Variants in CPSF3 observed in about 807,000 individuals in gnomAD.
CPSF3 encodes the protein cleavage and polyadenylation specific factor 3, also known as cleavage and polyadenylation specificity factor subunit 3.
CPSF3 carries 57 observed loss-of-function variants against 84.1 expected under a neutral mutation model. The observed-to-expected ratio is 0.68, with a 90% CI of 0.55 to 0.85. CPSF3 has a LOEUF of 0.85. CPSF3 is among the 40% of genes least tolerant of loss of function. The pLI, the probability that CPSF3 is intolerant of heterozygous loss-of-function variation, is 0.00. For synonymous variants in CPSF3, 275 were observed against 278.1 expected (o/e 0.99, Z 0.11); for missense variants, 522 against 838.8 (o/e 0.62, Z 4.66).
intron 10 of CPSF3, among the ~76,000 whole-genome samples, chr2:9,446,270 C>A (rs1013026361): frequency 6.6e-6 from 1 of 152,176 alleles, no homozygotes; most frequent in Admixed American, 6.5e-5. Flanking sequence ...CATAGTGAAA[C>A]CCCATCTCTA....
intron 4 of CPSF3, among the ~76,000 whole-genome samples, chr2:9,431,302 C>T (rs1680576591): frequency 6.6e-6 from 1 of 152,226 alleles, no homozygotes. Flanking sequence ...GATCCTCCTG[C>T]CTTGGCCTCC....
At chr2:9,455,067 G>A (rs919447045) in intron 12 of CPSF3, among the ~76,000 whole-genome samples, 1 of 152,020 alleles carries the variant, frequency 6.6e-6, no homozygotes, top group African/African-American at 2.4e-5. Context: ...AAGGAAAGAA[G>A]GCAGATGACA....
chr2:9,438,918 A>G (rs1044727633), intron 7 of CPSF3, among the ~76,000 whole-genome samples: 4 of 152,214 alleles, frequency 2.6e-5, no homozygotes. Flanking sequence ...GATGAAATCT[A>G]TCATATGGCT....
intron 16 of CPSF3, among the ~76,000 whole-genome samples, chr2:9,468,504 T>C (rs1682048396): frequency 2.0e-5 from 3 of 152,106 alleles, no homozygotes; most frequent in South Asian, 4.1e-4. Context: ...GAATTACAGA[T>C]GTGAGCCCTT....
chr2:9,468,128 T>C (rs1682037975), intron 16 of CPSF3, among the ~76,000 whole-genome samples: 1 of 152,386 alleles, frequency 6.6e-6, no homozygotes, highest in South Asian at 2.1e-4. Context: ...ATATATTTAC[T>C]TGTTAAATGT....
rs548820155 is a variant in CPSF3, at chr2:9,432,676, C to T, written c.507C>T (p.Ile169=). 2.0e-5 allele frequency: 31 copies of T among 1,527,610 alleles called. No homozygotes were observed. The highest frequency in any genetic ancestry group is 1.8e-4 in the Middle Eastern group (1 of 5,704). The allele number at this position is 1,527,610 out of a possible 1,614,324, so 94.6% of individuals were successfully genotyped here. The change falls in exon 5 of 18, where the codon ATC becomes ATT. Residue 169 remains isoleucine (I), a synonymous_variant. Transcript: ENST00000238112. ...GAGCCGCCATGTTCATGATTGAGAT[C>T]GCAGGCGTGAAGGTACCCTCTGGCT... ...VLGAAMFMIE[I]AGVKLLYTGD... is the part of the protein sequence containing the mutation.
At chr2:9,465,871 G>GGT (rs143920543) in intron 15 of CPSF3, among the ~76,000 whole-genome samples, 32 of 151,324 alleles carry the variant, frequency 2.1e-4, no homozygotes, top group Admixed American at 1.1e-3. Flanking sequence ...ATATATATGG[G>GGT]GTGTGTGTGT....
intron 17 of CPSF3, among the ~76,000 whole-genome samples, chr2:9,471,766 C>T (rs1480582716): frequency 6.6e-6 from 1 of 151,666 alleles, no homozygotes; most frequent in African/African-American, 2.4e-5. Context: ...TCTGTTTGCA[C>T]CAGCAAGATC....
intron 9 of CPSF3, among the ~76,000 whole-genome samples, chr2:9,443,313 A>C (rs1681016502): frequency 6.6e-6 from 1 of 152,158 alleles, no homozygotes; most frequent in Admixed American, 6.5e-5. Flanking sequence ...AGTTTTAGTT[A>C]ATTTGTTTAC....
chr2:9,450,926 A>T (rs6705033), intron 11 of CPSF3, among the ~76,000 whole-genome samples: 2 of 151,996 alleles, frequency 1.3e-5, no homozygotes, highest in African/African-American at 4.8e-5. Context: ...TGTTGTAAAT[A>T]GTCGTAGTTA....
At chr2:9,424,386 GT>G in intron 1 of CPSF3, 1 of 497,540 alleles carries the variant, frequency 2.0e-6, no homozygotes, top group Non-Finnish European at 2.6e-6. Flanking sequence ...GTGCAGAGGT[GT>G]TAGGGACAAA....
chr2:9,435,932 C>A (rs1207285416), intron 6 of CPSF3, among the ~76,000 whole-genome samples: 1 of 151,776 alleles, frequency 6.6e-6, no homozygotes, highest in Non-Finnish European at 1.5e-5. Flanking sequence ...AGGGTTTCAC[C>A]ATGTTGGCCA....
In CPSF3 at chr2:9,449,383, G is replaced by A. The variant is rs560708545; in HGVS notation, c.1395+1033G>A. Among the ~76,000 whole-genome samples, 4 of 152,138 alleles carry A rather than the reference G, an allele frequency of 2.6e-5. No individual in the cohort carries two copies. In the South Asian group the frequency reaches 8.3e-4, roughly 32 times the overall value. On this transcript the variant is annotated intron_variant, in intron 11 of 17. Coordinates refer to ENST00000238112, the MANE Select transcript of CPSF3 (RefSeq NM_016207.4). ...GGAGGTTGCGGTGAGCTGCGATCGC[G>A]CCAATGCACTCCAGCCTGAGTGACA... is the stretch of plus-strand genomic sequence containing the variant.
rs1419163289 is a variant in CPSF3, at chr2:9,443,548, A to G, written c.1129A>G (p.Met377Val). 1 of 1,614,094 alleles carries G rather than the reference A, an allele frequency of 6.2e-7. No homozygotes were observed. Among genetic ancestry groups the G allele is most frequent in the South Asian group, 1.1e-5 (1 of 91,082 alleles). Residue 377 changes from methionine to valine, a missense_variant, in exon 10 of 18, where the codon ATG becomes GTG. Coordinates refer to ENST00000238112, the MANE Select transcript of CPSF3 (RefSeq NM_016207.4). Reference protein sequence around the residue: ...IMSEPEEITTMSGQKLPLKMS... With the variant: ...IMSEPEEITTVSGQKLPLKMS... ...GTCTGAACCTGAAGAAATCACTACT[A>G]TGTCTGGACAGAAGTTACCACTGAA...
At chr2:9,435,795 C>G (rs1464235462) in intron 6 of CPSF3, among the ~76,000 whole-genome samples, 3 of 146,434 alleles carry the variant, frequency 2.0e-5, no homozygotes, top group Non-Finnish European at 3.0e-5. Flanking sequence ...TGCAATGGTG[C>G]GATCTCGGCT....
In CPSF3 at chr2:9,443,579, C is replaced by G. The variant is rs905530660; in HGVS notation, c.1160C>G (p.Ser387Cys). 6.2e-7 allele frequency: 1 copy of G among 1,614,064 alleles called. No homozygotes were observed. Among genetic ancestry groups the G allele is most frequent in the South Asian group, 1.1e-5 (1 of 91,076 alleles). The change falls in exon 10 of 18, where the codon TCT becomes TGT. Residue 387 changes from serine to cysteine, a missense_variant. By Grantham distance (112) the Ser-to-Cys change is moderately radical. Coordinates refer to ENST00000238112, the MANE Select transcript of CPSF3 (RefSeq NM_016207.4). The stretch of plus-strand genomic sequence containing the variant: ...GGACAGAAGTTACCACTGAAAATGT[C>G]TGTTGATTACATTTCTTTCTCAGCT... Reference protein sequence around the residue: ...MSGQKLPLKMSVDYISFSAHT... With the variant: ...MSGQKLPLKMCVDYISFSAHT...
At position 9,455,626 on chromosome 2, in the gene CPSF3, A is replaced by G. The variant is rs772289062; in HGVS notation, c.1505-33A>G. On this transcript the variant is annotated intron_variant, in intron 12 of 17. Coordinates refer to ENST00000238112, the MANE Select transcript of CPSF3 (RefSeq NM_016207.4). ...CTGGTATGTGTTTTGTAGGACTAGT[A>G]TTTCTTCAAGTCTCTTCTCATTTTC... The G allele has an allele frequency of 4.1e-6, 6 of 1,480,558 alleles. No individual in the cohort carries two copies. In the South Asian group the frequency reaches 5.9e-5, roughly 15 times the overall value. 91.7% of individuals were successfully genotyped at this position (1,480,558 alleles called of 1,614,324 possible).
At chr2:9,433,257 G>T (rs1048177528) in intron 5 of CPSF3, among the ~76,000 whole-genome samples, 5 of 152,318 alleles carry the variant, frequency 3.3e-5, no homozygotes, top group African/African-American at 1.2e-4. Flanking sequence ...AATAACTGTT[G>T]AATCAAAATC....
intron 16 of CPSF3, among the ~76,000 whole-genome samples, chr2:9,469,943 G>A (rs1682106414): frequency 6.6e-6 from 1 of 152,180 alleles, no homozygotes; most frequent in East Asian, 1.9e-4. Flanking sequence ...GCTGGGTGTG[G>A]TGACCCACAC....
Sources: gnomAD v4.1 joint callset for allele counts (sites outside exome capture counted in the v4.1 genomes callset) on GRCh38, gnomAD v4.1.1 for gene constraint, MANE v1.5 for transcripts, NCBI Gene and HGNC (gene_info 2026-07-23, HGNC 2026-07-21) for gene names.